Variants in HCRTR2 observed in about 807,000 individuals in gnomAD.
HCRTR2 encodes the protein hypocretin receptor 2, also known as orexin receptor type 2.
A neutral mutation model predicts 49.0 loss-of-function variants in HCRTR2; 22 were observed. That is an observed-to-expected ratio of 0.45 (90% CI 0.32 to 0.64). The LOEUF is 0.64. Among genes scored for constraint, HCRTR2 ranks in the 30% least tolerant of loss-of-function variants. HCRTR2 has a pLI of 0.04. For synonymous variants in HCRTR2, 236 were observed against 205.3 expected (o/e 1.15, Z -1.28); for missense variants, 491 against 559.4 (o/e 0.88, Z 1.23).
intron 1 of HCRTR2, among the ~76,000 whole-genome samples, chr6:55,130,224 T>A (rs1172443490): frequency 6.6e-6 from 1 of 151,900 alleles, no homozygotes; most frequent in Non-Finnish European, 1.5e-5. Context: ...TCCTACCTGA[T>A]CTCTTCACTT....
intron 1 of HCRTR2, among the ~76,000 whole-genome samples, chr6:55,132,881 C>A (rs1030766700): frequency 6.6e-6 from 1 of 151,256 alleles, no homozygotes; most frequent in Non-Finnish European, 1.5e-5. Context: ...ATCAACCAAA[C>A]AGTTTTTTAC....
At chr6:55,252,387 G>A (rs1171606842) in intron 2 of HCRTR2, among the ~76,000 whole-genome samples, 1 of 152,110 alleles carries the variant, frequency 6.6e-6, no homozygotes. Flanking sequence ...ATTTATCCAT[G>A]TTGATTAAAT....
chr6:55,243,638 AT>A (rs966177021), intron 1 of HCRTR2, among the ~76,000 whole-genome samples: 1 of 152,184 alleles, frequency 6.6e-6, no homozygotes, highest in Non-Finnish European at 1.5e-5. Context: ...TTATGAGCAA[AT>A]CAATTCCATC....
chr6:55,232,378 CTTG>C (rs1194124588), intron 1 of HCRTR2, among the ~76,000 whole-genome samples: 1 of 152,138 alleles, frequency 6.6e-6, no homozygotes, highest in African/African-American at 2.4e-5. Flanking sequence ...TGCCATTGCT[CTTG>C]TTGTCCAATA....
intron 1 of HCRTR2, among the ~76,000 whole-genome samples, chr6:55,179,274 C>G (rs71560901): frequency 0.017 from 2,611 of 152,094 alleles, 47 homozygotes; most frequent in Middle Eastern, 0.044. Context: ...ATTTCTAAAC[C>G]CTTTTTAGAT....
intron 1 of HCRTR2, among the ~76,000 whole-genome samples, chr6:55,119,152 G>A (rs1200418829): frequency 1.3e-5 from 2 of 152,076 alleles, no homozygotes; most frequent in East Asian, 1.9e-4. Flanking sequence ...ATTCCATGGT[G>A]TATATGTGCC....
At chr6:55,208,003 A>T (rs542071583) in intron 1 of HCRTR2, among the ~76,000 whole-genome samples, 14 of 152,254 alleles carry the variant, frequency 9.2e-5, no homozygotes, top group Non-Finnish European at 1.5e-4. Context: ...TCTTCCTTGG[A>T]ACTAGCTGAG....
At chr6:55,192,097 A>G (rs1175323263) in intron 1 of HCRTR2, among the ~76,000 whole-genome samples, 1 of 152,204 alleles carries the variant, frequency 6.6e-6, no homozygotes, top group Admixed American at 6.5e-5. Context: ...TCTTATATAT[A>G]CATAAAATCC....
chr6:55,115,572 A>G (rs1764105590), intron 1 of HCRTR2, among the ~76,000 whole-genome samples: 1 of 151,568 alleles, frequency 6.6e-6, no homozygotes, highest in Non-Finnish European at 1.5e-5. Flanking sequence ...GCGTAGTGCC[A>G]GGAATATTCT....
intron 1 of HCRTR2, among the ~76,000 whole-genome samples, chr6:55,239,196 C>G (rs148594135): frequency 6.6e-6 from 1 of 152,168 alleles, no homozygotes; most frequent in Non-Finnish European, 1.5e-5. Context: ...GACTATGGAA[C>G]CTTCCGTCTT....
At chr6:55,244,129 T>TAAGGGATAA (rs990246182) in intron 1 of HCRTR2, among the ~76,000 whole-genome samples, 1 of 151,976 alleles carries the variant, frequency 6.6e-6, no homozygotes, top group African/African-American at 2.4e-5. Flanking sequence ...GGAAACATTA[T>TAAGGGATAA]AAGGGATAAA....
chr6:55,199,188 T>C (rs1251775341), intron 1 of HCRTR2, among the ~76,000 whole-genome samples: 1 of 152,018 alleles, frequency 6.6e-6, no homozygotes, highest in Non-Finnish European at 1.5e-5. Context: ...CTACCACAAA[T>C]GTTGAGGAAG....
chr6:55,192,411 GCGCACA>G (rs1389636769), intron 1 of HCRTR2, among the ~76,000 whole-genome samples: 11 of 44,690 alleles, frequency 2.5e-4, no homozygotes, highest in East Asian at 1.1e-3. Context: ...ACGCGCGCGC[GCGCACA>G]CACACACACA....
At chr6:55,215,458 G>A (rs1036820171) in intron 1 of HCRTR2, among the ~76,000 whole-genome samples, 5 of 152,024 alleles carry the variant, frequency 3.3e-5, no homozygotes, top group African/African-American at 1.2e-4. Flanking sequence ...ATAAAAGAAC[G>A]CTGAACAGCA....
intron 1 of HCRTR2, among the ~76,000 whole-genome samples, chr6:55,154,297 A>G (rs2127259341): frequency 6.6e-6 from 1 of 152,054 alleles, no homozygotes; most frequent in East Asian, 1.9e-4. Context: ...TCTGATACCA[A>G]AACTACGCAA....
At chr6:55,164,949 A>G (rs1764855897) in intron 1 of HCRTR2, among the ~76,000 whole-genome samples, 2 of 152,208 alleles carry the variant, frequency 1.3e-5, no homozygotes, top group African/African-American at 4.8e-5. Context: ...GACTTCTATC[A>G]GATAAATTCA....
chr6:55,115,805 C>G (rs1035147609), intron 1 of HCRTR2, among the ~76,000 whole-genome samples: 4 of 150,550 alleles, frequency 2.7e-5, no homozygotes, highest in African/African-American at 9.7e-5. Context: ...ATAAATAATA[C>G]AGAGATATTC....
At chr6:55,244,269 A>G (rs1766389716) in intron 1 of HCRTR2, among the ~76,000 whole-genome samples, 1 of 152,052 alleles carries the variant, frequency 6.6e-6, no homozygotes, top group Non-Finnish European at 1.5e-5. Context: ...CTGTACTCCT[A>G]TATATTTTAT....
At chr6:55,122,021 T>C (rs1764207810) in intron 1 of HCRTR2, among the ~76,000 whole-genome samples, 1 of 152,196 alleles carries the variant, frequency 6.6e-6, no homozygotes, top group Non-Finnish European at 1.5e-5. Context: ...TTGATTGGAA[T>C]AGTTTCAGAA....
Sources: allele counts gnomAD v4.1 joint callset (sites outside exome capture counted in the v4.1 genomes callset), GRCh38; gene constraint gnomAD v4.1.1; transcripts MANE v1.5; gene names NCBI Gene and HGNC (gene_info 2026-07-23, HGNC 2026-07-21).